ADK: variants seen among roughly 807,000 people sequenced by gnomAD.
ADK encodes the protein adenosine kinase, also known as N6,N6-dimethyladenosine kinase.
A neutral mutation model predicts 44.7 loss-of-function variants in ADK; 24 were observed. That is an observed-to-expected ratio of 0.54 (90% CI 0.39 to 0.76). ADK has a LOEUF of 0.76. ADK is among the 30% of genes least tolerant of loss of function. The probability of loss-of-function intolerance (pLI) is 0.00; values close to 1 mark genes in which losing one functional copy is unlikely to be tolerated. For synonymous variants in ADK, 128 were observed against 142.6 expected (o/e 0.90, Z 0.73); for missense variants, 321 against 425.1 (o/e 0.76, Z 2.15).
At chr10:74,269,296 T>G (rs1846336527) in intron 3 of ADK, among the ~76,000 whole-genome samples, 1 of 152,178 alleles carries the variant, frequency 6.6e-6, no homozygotes, top group Admixed American at 6.5e-5. Context: ...CATATGAAAC[T>G]CTTGATAGTG....
chr10:74,278,377 A>C (rs1379996485), intron 3 of ADK, among the ~76,000 whole-genome samples: 6 of 151,324 alleles, frequency 4.0e-5, no homozygotes, highest in East Asian at 1.9e-4. Context: ...AAAAAAAAAA[A>C]AAAAAAAAAC....
chr10:74,229,372 G>A (rs1421651380), intron 3 of ADK, among the ~76,000 whole-genome samples: 2 of 147,492 alleles, frequency 1.4e-5, no homozygotes, highest in Non-Finnish European at 3.0e-5. Context: ...GGAAGTTAGA[G>A]ACAATAACAT....
At chr10:74,175,365 A>G (rs1842294038) in intron 1 of ADK, among the ~76,000 whole-genome samples, 1 of 146,986 alleles carries the variant, frequency 6.8e-6, no homozygotes, top group Admixed American at 6.9e-5. Context: ...ACAGAACAAG[A>G]CTCCAGCTCA....
chr10:74,699,946 C>T (rs1856355091), intron 10 of ADK, among the ~76,000 whole-genome samples: 1 of 152,108 alleles, frequency 6.6e-6, no homozygotes, highest in Non-Finnish European at 1.5e-5. Context: ...AATAGAAAAT[C>T]CTTAAACCTC....
At chr10:74,545,195 A>G (rs1288203952) in intron 7 of ADK, among the ~76,000 whole-genome samples, 1 of 152,178 alleles carries the variant, frequency 6.6e-6, no homozygotes, top group Non-Finnish European at 1.5e-5. Context: ...CAGACATTGC[A>G]CTCTGCACTA....
intron 4 of ADK, among the ~76,000 whole-genome samples, chr10:74,382,660 A>G (rs1417314696): frequency 6.6e-6 from 1 of 152,072 alleles, no homozygotes; most frequent in Non-Finnish European, 1.5e-5. Flanking sequence ...CAGTAACACA[A>G]TTTTTTTAAA....
chr10:74,570,270 T>A (rs1850898309), intron 7 of ADK, among the ~76,000 whole-genome samples: 1 of 152,132 alleles, frequency 6.6e-6, no homozygotes, highest in Admixed American at 6.5e-5. Context: ...CTTTTTTGAT[T>A]CCATATGAAC....
intron 6 of ADK, among the ~76,000 whole-genome samples, chr10:74,523,138 T>C (rs1416052190): frequency 6.6e-6 from 1 of 152,208 alleles, no homozygotes; most frequent in Admixed American, 6.5e-5. Context: ...GAAACTAATA[T>C]GTCCACCTCA....
intron 6 of ADK, among the ~76,000 whole-genome samples, chr10:74,486,509 A>C (rs1450607833): frequency 1.3e-5 from 2 of 152,188 alleles, no homozygotes; most frequent in African/African-American, 4.8e-5. Flanking sequence ...CAACAGGTAT[A>C]GTTTTCCATT....
At chr10:74,562,607 A>G (rs1424415109) in intron 7 of ADK, among the ~76,000 whole-genome samples, 2 of 152,252 alleles carry the variant, frequency 1.3e-5, no homozygotes, top group Non-Finnish European at 2.9e-5. Context: ...TGATATACAT[A>G]TAAAAGAACA....
intron 6 of ADK, among the ~76,000 whole-genome samples, chr10:74,410,868 C>G (rs1420058443): frequency 6.6e-6 from 1 of 151,922 alleles, no homozygotes; most frequent in African/African-American, 2.4e-5. Context: ...TAAATAATGT[C>G]ACAGCTCTTT....
intron 6 of ADK, among the ~76,000 whole-genome samples, chr10:74,404,450 G>A (rs1843836234): frequency 6.6e-6 from 1 of 152,026 alleles, no homozygotes; most frequent in African/African-American, 2.4e-5. Context: ...AACATCTCTT[G>A]TATTTGGATC....
rs141192380 is a variant in ADK, at chr10:74,708,294, A to T, written c.965-27A>T. 738 of 1,605,390 alleles carry T rather than the reference A, an allele frequency of 4.6e-4. 5 individuals are homozygous for T. The African/African-American group carries it at 8.9e-3, about 19-fold the overall frequency. On this transcript the variant is annotated intron_variant, in intron 10 of 10. Transcript: ENST00000539909. Reference sequence around the variant, plus strand: ...TTTCTGCTGCTGTTATACAATACTCATGTGTTTTTTTTTGCCTGTGTTCTA... The same window carrying T: ...TTTCTGCTGCTGTTATACAATACTCTTGTGTTTTTTTTTGCCTGTGTTCTA...
At chr10:74,521,411 G>C (rs1016162792) in intron 6 of ADK, among the ~76,000 whole-genome samples, 2 of 152,134 alleles carry the variant, frequency 1.3e-5, no homozygotes, top group African/African-American at 2.4e-5. Context: ...ATTGGGGCCA[G>C]ATTTAGACTC....
chr10:74,405,420 T>C (rs866588631), intron 6 of ADK, among the ~76,000 whole-genome samples: 1 of 151,864 alleles, frequency 6.6e-6, no homozygotes, highest in African/African-American at 2.4e-5. Flanking sequence ...TTTAGATTAA[T>C]GTATAGCTAT....
chr10:74,273,778 A>G (rs1846541244), intron 3 of ADK, among the ~76,000 whole-genome samples: 1 of 152,158 alleles, frequency 6.6e-6, no homozygotes, highest in Admixed American at 6.5e-5. Flanking sequence ...TTTCTTTCAC[A>G]GGGATTGACT....
chr10:74,399,904 T>C lies in ADK; in HGVS notation c.555+1325T>C, dbSNP rs11812645. Among the ~76,000 whole-genome samples, 774 of 152,236 alleles carry C rather than the reference T, an allele frequency of 5.1e-3. 12 individuals carry two copies. Among genetic ancestry groups the C allele is most frequent in the African/African-American group, 0.017 (722 of 41,580 alleles). On this transcript the variant is annotated intron_variant, in intron 6 of 10. Coordinates refer to ENST00000539909, the MANE Select transcript of ADK (RefSeq NM_006721.4). ...GTTTCAATATATAGTTGTTCAATCC[T>C]GAATTGTGAGCCAACTTGCAAACAA...
intron 1 of ADK, among the ~76,000 whole-genome samples, chr10:74,183,177 CA>C (rs1205807817): frequency 6.6e-6 from 1 of 152,178 alleles, no homozygotes; most frequent in Non-Finnish European, 1.5e-5. Flanking sequence ...TCAAGTGATC[CA>C]CCTGCTTTGA....
chr10:74,282,379 C>T (rs1846974766), intron 3 of ADK, among the ~76,000 whole-genome samples: 1 of 152,106 alleles, frequency 6.6e-6, no homozygotes, highest in Non-Finnish European at 1.5e-5. Context: ...CCGCTTTGTT[C>T]CTGTAAACTG....
Sources: gnomAD v4.1 joint callset for allele counts (sites outside exome capture counted in the v4.1 genomes callset) on GRCh38, gnomAD v4.1.1 for gene constraint, MANE v1.5 for transcripts, NCBI Gene and HGNC (gene_info 2026-07-23, HGNC 2026-07-21) for gene names.